KNTC1: variants seen among roughly 807,000 people sequenced by gnomAD.
KNTC1 encodes the protein kinetochore-associated protein 1.
KNTC1 carries 253 observed loss-of-function variants against 314.4 expected under a neutral mutation model. The ratio of observed to expected loss-of-function variants is 0.80; its 90% confidence interval spans 0.73 to 0.89. The LOEUF (loss-of-function observed/expected upper bound fraction) is 0.89. KNTC1 is among the 40% of genes least tolerant of loss of function. The pLI is 0.00. For missense variants in KNTC1, 2,475 were observed against 2,572.9 expected, an observed-to-expected ratio of 0.96 and a Z score of 0.82; for synonymous variants, 901 against 901.4, an observed-to-expected ratio of 1.00 and a Z score of 0.01.
intron 21 of KNTC1, among the ~76,000 whole-genome samples, chr12:122,569,250 A>T (rs1279348309): frequency 6.6e-6 from 1 of 152,226 alleles, no homozygotes; most frequent in Non-Finnish European, 1.5e-5. Context: ...TTGGTGAAGA[A>T]GATGTTGCTA....
At position 122,529,924 on chromosome 12, in the gene KNTC1, A is replaced by G. The variant is rs1961162108; in HGVS notation, c.-73-67A>G. ...TAAGATGTCTGTATATGTTAATGTT[A>G]GACTTTTGTTTTTGTTTTGTGAGTA... On this transcript the variant is annotated intron_variant, in intron 1 of 63. Coordinates refer to ENST00000333479, the MANE Select transcript of KNTC1 (RefSeq NM_014708.6). 4 of 836,860 alleles carry G rather than the reference A, an allele frequency of 4.8e-6. No homozygotes were observed. In the Admixed American group the frequency reaches 9.4e-5, roughly 20 times the overall value. 51.8% of individuals were successfully genotyped at this position (836,860 alleles called of 1,614,324 possible). A position where few individuals can be genotyped will look rare whatever the true frequency, so the allele number is the denominator to read the frequency against.
intron 18 of KNTC1, among the ~76,000 whole-genome samples, chr12:122,558,712 C>A (rs917964033): frequency 6.6e-6 from 1 of 151,268 alleles, no homozygotes; most frequent in Admixed American, 6.6e-5. Context: ...CCCATCTCTA[C>A]TAAAAATATA....
intron 49 of KNTC1, 74 bp from the exon 50 acceptor site, chr12:122,604,803 G>A (rs1316485924): frequency 7.0e-7 from 1 of 1,428,472 alleles, no homozygotes; most frequent in Non-Finnish European, 9.7e-7. Context: ...GATTGTGATT[G>A]ATAAAGATGG....
rs1200717202 is a variant in KNTC1 at position 122,596,079 on chromosome 12, C to CTTTT, written c.4356-1634_4356-1631dup. Among the ~76,000 whole-genome samples the CTTTT allele has an allele frequency of 2.2e-3, 250 of 111,330 alleles. 2 individuals carry two copies. The highest frequency in any genetic ancestry group is 3.4e-3 in the African/African-American group (98 of 28,940). 73.0% of individuals were successfully genotyped at this position (111,330 alleles called of 152,430 possible). A position where few individuals can be genotyped will look rare whatever the true frequency, so the allele number is the denominator to read the frequency against. ...TCATTTTGTCTATAGTAACCAGATT[C>CTTTT]TTTTTTTTTTTTTTTTTTTTTGAGA... is the stretch of plus-strand genomic sequence containing the variant. On this transcript the variant is annotated intron_variant, in intron 43 of 63. Transcript: ENST00000333479.
chr12:122,562,988 G>A (rs146380473), intron 20 of KNTC1, among the ~76,000 whole-genome samples: 3,292 of 150,448 alleles, frequency 0.022, 109 homozygotes, highest in African/African-American at 0.073. Flanking sequence ...CAGCCTGGGC[G>A]ACAGAGCAAG....
At chr12:122,580,006 A>T in intron 32 of KNTC1, 29 bp downstream of exon 32, 1 of 1,479,584 alleles carries the variant, frequency 6.8e-7, no homozygotes, top group Non-Finnish European at 9.4e-7. Flanking sequence ...TTCTCATCTC[A>T]GTTTTGTTCC....
At chr12:122,599,005 TAAA>T (rs546566725) in intron 44 of KNTC1, among the ~76,000 whole-genome samples, 2 of 150,954 alleles carry the variant, frequency 1.3e-5, no homozygotes, top group Admixed American at 6.6e-5. Context: ...TTTTTTAAAT[TAAA>T]AAAAAAATTT....
chr12:122,560,524 C>A (rs1425820514), intron 18 of KNTC1, among the ~76,000 whole-genome samples: 1 of 152,106 alleles, frequency 6.6e-6, no homozygotes, highest in Admixed American at 6.6e-5. Flanking sequence ...AGACATGTGC[C>A]TCCACGCCCA....
At chr12:122,589,034 G>A (rs1184731509) in intron 40 of KNTC1, among the ~76,000 whole-genome samples, 1 of 151,844 alleles carries the variant, frequency 6.6e-6, no homozygotes, top group African/African-American at 2.4e-5. Flanking sequence ...GTCCACTGTC[G>A]TATCCTGATT....
intron 19 of KNTC1, among the ~76,000 whole-genome samples, 156 bp downstream of exon 19, chr12:122,562,130 A>T (rs1384801251): frequency 6.6e-6 from 1 of 152,164 alleles, no homozygotes; most frequent in Non-Finnish European, 1.5e-5. Flanking sequence ...TACTTACTTT[A>T]TAAGGTCATT....
At chr12:122,545,209 GT>G (rs1333134931) in intron 8 of KNTC1, among the ~76,000 whole-genome samples, 3 of 152,070 alleles carry the variant, frequency 2.0e-5, no homozygotes, top group Non-Finnish European at 2.9e-5. Context: ...GTATAATTAC[GT>G]TTACAACATT....
chr12:122,577,777 G>A lies in KNTC1; in HGVS notation c.2827G>A (p.Asp943Asn), dbSNP rs757428476. ...WARLALQEEP[D>N]HSKEGKAWRM... is the part of the protein sequence containing the mutation. ...ACGACTGGCATTACAAGAAGAGCCA[G>A]ATCATTCTAAAGAGGTGACATTTTC... The change falls in exon 31 of 64, where the codon GAT becomes AAT. Residue 943 changes from aspartate (D) to asparagine (N), a missense_variant. By Grantham distance (23) the Asp-to-Asn change is conservative. Transcript: ENST00000333479. 1.9e-5 allele frequency: 30 copies of A among 1,612,538 alleles called. No homozygotes were observed. In the African/African-American group the frequency reaches 3.9e-4, roughly 21 times the overall value.
At chr12:122,575,323 T>C (rs1223904412) in intron 27 of KNTC1, among the ~76,000 whole-genome samples, 1 of 152,180 alleles carries the variant, frequency 6.6e-6, no homozygotes, top group Non-Finnish European at 1.5e-5. Flanking sequence ...CTGTATGTCT[T>C]AGCTTACAGC....
Position 122,584,341 on chromosome 12 carries a change from G to A in KNTC1, c.3327G>A (p.Lys1109=), listed in dbSNP as rs1868915170. ...TGKLLFLTCQ[K]LCQMLADNVP... is the part of the protein sequence containing the mutation. Reference sequence around the variant, plus strand: ...AATTGCTATTTCTGACATGTCAGAAGCTTTGTCAGATGTTGGCTGATAATG... The same window carrying A: ...AATTGCTATTTCTGACATGTCAGAAACTTTGTCAGATGTTGGCTGATAATG... The change falls in exon 35 of 64, where the codon AAG becomes AAA. Residue 1109 remains lysine (K), a synonymous_variant. Transcript: ENST00000333479. The A allele has an allele frequency of 1.2e-6, 2 of 1,613,284 alleles. No homozygotes were observed. The highest frequency in any genetic ancestry group is 2.7e-5 in the African/African-American group (2 of 74,910).
At chr12:122,592,153 G>A (rs889870523) in intron 42 of KNTC1, among the ~76,000 whole-genome samples, 3 of 152,230 alleles carry the variant, frequency 2.0e-5, no homozygotes, top group Admixed American at 1.3e-4. Context: ...GGGCAGTGAG[G>A]GGCTTAGCAC....
chr12:122,538,444 T>C lies in KNTC1; in HGVS notation c.356T>C (p.Leu119Pro), dbSNP rs1353227739. 1.3e-6 allele frequency: 2 copies of C among 1,526,290 alleles called. No individual in the cohort carries two copies. The highest frequency in any genetic ancestry group is 1.8e-6 in the Non-Finnish European group (2 of 1,114,312). 94.5% of individuals were successfully genotyped at this position (1,526,290 alleles called of 1,614,324 possible). The change falls in exon 4 of 64, where the codon CTA becomes CCA. Residue 119 changes from leucine (L) to proline (P), a missense_variant. Coordinates refer to ENST00000333479, the MANE Select transcript of KNTC1 (RefSeq NM_014708.6). Reference protein sequence around the residue: ...HLIHVTSKQTLLTNAFVQKAN... With the variant: ...HLIHVTSKQTPLTNAFVQKAN... ...ATTCATGTAACATCAAAACAAACAC[T>C]ACTCACTAATGTAAGATCTTGTTGT...
At chr12:122,597,670 A>T in intron 43 of KNTC1, 61 bp from the exon 44 acceptor site, 1 of 1,381,504 alleles carries the variant, frequency 7.2e-7, no homozygotes, top group Non-Finnish European at 1.0e-6. Flanking sequence ...GTTTTGTCAG[A>T]TACTTTGCAT....
Position 122,597,725 on chromosome 12 carries a change from T to C in KNTC1, c.4356-6T>C. On this transcript the variant is annotated splice_region_variant and splice_polypyrimidine_tract_variant and intron_variant, in intron 43 of 63. Transcript: ENST00000333479. ...GAGACTGGTGTGTATTGAATGCTTC[T>C]TTTAGCACATTTCAGTTGGACTGCG... 6.2e-7 allele frequency: 1 copy of C among 1,613,344 alleles called. No individual in the cohort carries two copies. The highest frequency in any genetic ancestry group is 1.1e-5 in the South Asian group (1 of 91,054).
chr12:122,614,625 A>G (rs990767986), intron 55 of KNTC1, among the ~76,000 whole-genome samples: 1 of 152,090 alleles, frequency 6.6e-6, no homozygotes, highest in Non-Finnish European at 1.5e-5. Context: ...TCATGCCTGT[A>G]ATCTCAGTAC....
Sources: gnomAD v4.1 joint callset for allele counts (sites outside exome capture counted in the v4.1 genomes callset) on GRCh38, gnomAD v4.1.1 for gene constraint, MANE v1.5 for transcripts, NCBI Gene and HGNC (gene_info 2026-07-23, HGNC 2026-07-21) for gene names.